Variants in AKAP6 observed in about 807,000 individuals in gnomAD.
AKAP6 encodes the protein A-kinase anchoring protein 6.
AKAP6 carries 58 observed loss-of-function variants against 188.5 expected under a neutral mutation model. That is an observed-to-expected ratio of 0.31 (90% confidence interval 0.25 to 0.38). The LOEUF (loss-of-function observed/expected upper bound fraction) is 0.38, where lower values mean the gene tolerates loss of function less well. Among genes scored for constraint, AKAP6 ranks in the 10% least tolerant of loss-of-function variants. AKAP6 has a pLI of 1.00. For missense variants in AKAP6, 2,710 were observed against 2,740.0 expected (o/e 0.99, Z 0.24); for synonymous variants, 989 against 998.6 (o/e 0.99, Z 0.18).
At chr14:32,792,873 T>C (rs2033652735) in intron 12 of AKAP6, among the ~76,000 whole-genome samples, 1 of 152,172 alleles carries the variant, frequency 6.6e-6, no homozygotes, top group Non-Finnish European at 1.5e-5. Flanking sequence ...ATTGAGATAA[T>C]CATGTGGCTT....
intron 4 of AKAP6, among the ~76,000 whole-genome samples, chr14:32,566,723 T>C (rs1884206980): frequency 6.6e-6 from 1 of 152,226 alleles, no homozygotes; most frequent in African/African-American, 2.4e-5. Flanking sequence ...CTCAATTTGC[T>C]AAGCCAATAG....
chr14:32,533,387 G>A (rs181804365), intron 2 of AKAP6, among the ~76,000 whole-genome samples: 6 of 152,286 alleles, frequency 3.9e-5, no homozygotes. Context: ...ATTGAGGCCA[G>A]CCTTTCCCCC....
chr14:32,777,468 A>C (rs1385319978), intron 12 of AKAP6, among the ~76,000 whole-genome samples: 1 of 152,192 alleles, frequency 6.6e-6, no homozygotes, highest in Non-Finnish European at 1.5e-5. Context: ...AAAAATATTG[A>C]TCATATTAAG....
At chr14:32,348,408 C>CTTT (rs1235466012) in intron 1 of AKAP6, among the ~76,000 whole-genome samples, 16 of 88,720 alleles carry the variant, frequency 1.8e-4, no homozygotes, top group African/African-American at 5.9e-4. Context: ...TCTTTCTTTT[C>CTTT]TTTTGTTTCT....
intron 2 of AKAP6, among the ~76,000 whole-genome samples, chr14:32,455,836 A>G (rs1280034008): frequency 6.6e-6 from 1 of 152,144 alleles, no homozygotes; most frequent in Non-Finnish European, 1.5e-5. Flanking sequence ...CCCCCAACCT[A>G]CTTTGGAAGT....
intron 2 of AKAP6, among the ~76,000 whole-genome samples, chr14:32,480,448 T>A (rs758650794): frequency 6.6e-6 from 1 of 152,194 alleles, no homozygotes; most frequent in Non-Finnish European, 1.5e-5. Context: ...TAAAAAGTTG[T>A]GCCGTAGTCA....
At chr14:32,736,732 C>A (rs2031444237) in intron 11 of AKAP6, among the ~76,000 whole-genome samples, 2 of 152,138 alleles carry the variant, frequency 1.3e-5, no homozygotes, top group Non-Finnish European at 2.9e-5. Flanking sequence ...CTTCTCAAAG[C>A]ATCGTAGGAC....
chr14:32,721,369 A>G (rs1041301314), intron 9 of AKAP6, among the ~76,000 whole-genome samples: 5 of 152,208 alleles, frequency 3.3e-5, no homozygotes, highest in African/African-American at 1.2e-4. Context: ...TGTATTGATG[A>G]AGGAAATTTT....
chr14:32,818,617 T>G (rs1001225275), intron 12 of AKAP6, among the ~76,000 whole-genome samples: 1 of 152,176 alleles, frequency 6.6e-6, no homozygotes, highest in Admixed American at 6.5e-5. Context: ...TATATTTTAC[T>G]GAGCAAAGGA....
intron 7 of AKAP6, among the ~76,000 whole-genome samples, chr14:32,649,096 A>G (rs1056618727): frequency 6.6e-6 from 1 of 152,140 alleles, no homozygotes; most frequent in South Asian, 2.1e-4. Context: ...TTCGGGTCTC[A>G]TAGAGATTCA....
At chr14:32,777,006 G>C (rs1594935630) in intron 12 of AKAP6, among the ~76,000 whole-genome samples, 1 of 152,168 alleles carries the variant, frequency 6.6e-6, no homozygotes, top group Middle Eastern at 3.2e-3. Context: ...AGCTTGCACA[G>C]AGCTAGAAAT....
chr14:32,686,390 G>T (rs1316934624), intron 8 of AKAP6, among the ~76,000 whole-genome samples: 1 of 152,128 alleles, frequency 6.6e-6, no homozygotes, highest in South Asian at 2.1e-4. Flanking sequence ...GCACAACAGG[G>T]GGGCTATAGT....
chr14:32,761,749 A>G (rs1201060707), intron 11 of AKAP6, among the ~76,000 whole-genome samples: 1 of 151,988 alleles, frequency 6.6e-6, no homozygotes, highest in African/African-American at 2.4e-5. Flanking sequence ...GAGTTTACTG[A>G]CGGGGTGTAT....
intron 2 of AKAP6, among the ~76,000 whole-genome samples, chr14:32,483,439 T>C (rs1358383126): frequency 6.6e-6 from 1 of 152,198 alleles, no homozygotes; most frequent in East Asian, 1.9e-4. Context: ...ATAGTGAAGT[T>C]TGATTTTTTT....
intron 1 of AKAP6, chr14:32,373,299 G>A (rs1888067672): frequency 6.6e-6 from 1 of 152,144 alleles, no homozygotes; most frequent in Non-Finnish European, 1.5e-5. Context: ...GGATAACTTG[G>A]TGGGTGGGGG....
chr14:32,577,420 C>T (rs1177283861), intron 5 of AKAP6, among the ~76,000 whole-genome samples, 178 bp downstream of exon 5: 1 of 152,110 alleles, frequency 6.6e-6, no homozygotes, highest in Non-Finnish European at 1.5e-5. Context: ...ACTATGAAAC[C>T]TAAATCATCT....
At chr14:32,661,485 A>G (rs573031817) in intron 7 of AKAP6, among the ~76,000 whole-genome samples, 1 of 152,246 alleles carries the variant, frequency 6.6e-6, no homozygotes, top group East Asian at 1.9e-4. Flanking sequence ...AATCAGTGTC[A>G]TTCCTGGAGG....
intron 7 of AKAP6, among the ~76,000 whole-genome samples, chr14:32,663,143 G>A (rs1426713458): frequency 6.6e-6 from 1 of 151,774 alleles, no homozygotes; most frequent in Non-Finnish European, 1.5e-5. Flanking sequence ...TCCCACATTT[G>A]CCAAAAGGGA....
intron 4 of AKAP6, among the ~76,000 whole-genome samples, chr14:32,547,850 A>G (rs556761824): frequency 6.6e-6 from 1 of 152,124 alleles, no homozygotes; most frequent in Non-Finnish European, 1.5e-5. Context: ...TCTCAAAAAA[A>G]AAAAAAAATC....
Sources: allele counts gnomAD v4.1 joint callset (sites outside exome capture counted in the v4.1 genomes callset), GRCh38; gene constraint gnomAD v4.1.1; transcripts MANE v1.5; gene names NCBI Gene and HGNC (gene_info 2026-07-23, HGNC 2026-07-21).